Variants in TAFA1 observed in about 807,000 individuals in gnomAD.
TAFA1 encodes the protein chemokine-like protein TAFA-1.
Under a neutral mutation model 18.5 loss-of-function variants are expected in TAFA1, and 4 were observed. That is an observed-to-expected ratio of 0.22 (90% confidence interval 0.11 to 0.49). TAFA1 has a LOEUF of 0.49. Ranked by LOEUF, TAFA1 falls within the 20% of genes least tolerant of loss-of-function variation. TAFA1 has a pLI of 0.98. For synonymous variants in TAFA1, 56 were observed against 55.2 expected, an observed-to-expected ratio of 1.01 and a Z score of -0.06; for missense variants, 147 against 169.0, an observed-to-expected ratio of 0.87 and a Z score of 0.72.
chr3:68,293,568 G>C (rs1257478744), intron 2 of TAFA1, among the ~76,000 whole-genome samples: 1 of 152,168 alleles, frequency 6.6e-6, no homozygotes, highest in Non-Finnish European at 1.5e-5. Context: ...AACCAGTCCT[G>C]TGATTAATAG....
Position 68,026,830 on chromosome 3 carries a change from A to C in TAFA1, c.118+20086A>C, listed in dbSNP as rs73104878. Among the ~76,000 whole-genome samples the C allele has an allele frequency of 9.7e-3, 1,483 of 152,318 alleles. 13 individuals are homozygous for C. Among genetic ancestry groups the C allele is most frequent in the Non-Finnish European group, 0.013 (860 of 68,024 alleles). ...TGTATTAATTCATTCTTGCATTGCT[A>C]TAAAGAAATATCTGAGCCTGGATAA... On this transcript the variant is annotated intron_variant, in intron 2 of 4. Coordinates refer to ENST00000478136, the MANE Select transcript of TAFA1 (RefSeq NM_213609.4).
intron 2 of TAFA1, among the ~76,000 whole-genome samples, chr3:68,209,158 TAGTC>T (rs2066563530): frequency 1.3e-5 from 2 of 151,964 alleles, no homozygotes; most frequent in African/African-American, 4.8e-5. Context: ...CATCTTCACT[TAGTC>T]AGTCAAGCCT....
chr3:68,137,905 C>A (rs1357000638), intron 2 of TAFA1, among the ~76,000 whole-genome samples: 1 of 151,922 alleles, frequency 6.6e-6, no homozygotes, highest in Non-Finnish European at 1.5e-5. Context: ...TCCACAGTTA[C>A]CTTTATGAAA....
intron 2 of TAFA1, among the ~76,000 whole-genome samples, chr3:68,318,287 C>T (rs764286743): frequency 2.8e-4 from 42 of 152,278 alleles, no homozygotes; most frequent in Admixed American, 5.2e-4. Flanking sequence ...GCTTCTCCCT[C>T]TCCTGGCTAT....
chr3:68,113,462 G>GAAAAT (rs2065284065), intron 2 of TAFA1, among the ~76,000 whole-genome samples: 1 of 152,088 alleles, frequency 6.6e-6, no homozygotes, highest in Non-Finnish European at 1.5e-5. Flanking sequence ...GTAAATGATT[G>GAAAAT]AAAATAAAAT....
At chr3:68,207,623 A>G (rs2066542954) in intron 2 of TAFA1, among the ~76,000 whole-genome samples, 1 of 151,974 alleles carries the variant, frequency 6.6e-6, no homozygotes, top group South Asian at 2.1e-4. Flanking sequence ...AGATTTAAGA[A>G]CTACCAAATG....
intron 2 of TAFA1, among the ~76,000 whole-genome samples, chr3:68,193,152 C>T (rs1440501104): frequency 1.3e-5 from 2 of 151,620 alleles, no homozygotes; most frequent in Non-Finnish European, 3.0e-5. Context: ...AAATAAGCTC[C>T]AAAGTAAGTT....
At chr3:68,289,930 G>A (rs566686766) in intron 2 of TAFA1, among the ~76,000 whole-genome samples, 7 of 152,204 alleles carry the variant, frequency 4.6e-5, no homozygotes, top group Non-Finnish European at 2.9e-5. Flanking sequence ...CAATGGACTT[G>A]TGTAATAAAT....
intron 2 of TAFA1, among the ~76,000 whole-genome samples, chr3:68,189,363 C>T (rs1042359968): frequency 3.3e-5 from 5 of 151,854 alleles, no homozygotes; most frequent in African/African-American, 4.8e-5. Flanking sequence ...ATCTTTACTA[C>T]CATTCAACCC....
At chr3:68,421,970 G>A (rs889646632) in intron 3 of TAFA1, among the ~76,000 whole-genome samples, 2 of 151,906 alleles carry the variant, frequency 1.3e-5, no homozygotes, top group African/African-American at 2.4e-5. Context: ...TTTATAATAG[G>A]AATTTTGAAA....
At chr3:67,992,934 T>C in the TAFA1 span, among the ~76,000 whole-genome samples, 1 of 152,216 alleles carries the variant, frequency 6.6e-6, no homozygotes, top group Non-Finnish European at 1.5e-5. Context: ...CAATCTCTGC[T>C]GACAGAGCAT....
intron 2 of TAFA1, among the ~76,000 whole-genome samples, chr3:68,288,117 C>T (rs995621662): frequency 3.3e-5 from 5 of 152,044 alleles, no homozygotes; most frequent in Non-Finnish European, 2.9e-5. Flanking sequence ...GGTGATCTCC[C>T]CTCTCTTTTC....
At chr3:68,083,995 G>A (rs991665126) in intron 2 of TAFA1, among the ~76,000 whole-genome samples, 4 of 152,280 alleles carry the variant, frequency 2.6e-5, no homozygotes, top group South Asian at 2.1e-4. Flanking sequence ...ATGTCAGAGA[G>A]TGAAAATCTT....
At chr3:68,515,816 T>C (rs2072912256) in intron 3 of TAFA1, among the ~76,000 whole-genome samples, 1 of 152,206 alleles carries the variant, frequency 6.6e-6, no homozygotes, top group Admixed American at 6.5e-5. Flanking sequence ...TGCTATACAC[T>C]TAGGGTTTAC....
intron 2 of TAFA1, among the ~76,000 whole-genome samples, chr3:68,355,761 A>G (rs1446090729): frequency 2.6e-5 from 4 of 152,094 alleles, no homozygotes; most frequent in South Asian, 2.1e-4. Context: ...AATGCAACAT[A>G]AAGAAGGCTT....
At chr3:68,030,641 C>T (rs2106650546) in intron 2 of TAFA1, among the ~76,000 whole-genome samples, 1 of 152,296 alleles carries the variant, frequency 6.6e-6, no homozygotes, top group East Asian at 1.9e-4. Context: ...ATATGTACCA[C>T]ATTTTCTTTA....
At chr3:68,321,051 C>A (rs1245173057) in intron 2 of TAFA1, among the ~76,000 whole-genome samples, 1 of 152,198 alleles carries the variant, frequency 6.6e-6, no homozygotes, top group African/African-American at 2.4e-5. Flanking sequence ...GCTGGACTGT[C>A]AGGGTTGAAA....
At chr3:68,426,180 G>T (rs187861555) in intron 3 of TAFA1, among the ~76,000 whole-genome samples, 1 of 151,620 alleles carries the variant, frequency 6.6e-6, no homozygotes, top group Non-Finnish European at 1.5e-5. Context: ...ATTGTACCCC[G>T]TAATTATTTA....
At chr3:68,449,435 G>A (rs529469661) in intron 3 of TAFA1, among the ~76,000 whole-genome samples, 39 of 152,104 alleles carry the variant, frequency 2.6e-4, no homozygotes, top group Non-Finnish European at 3.4e-4. Context: ...CAGAGGATGC[G>A]AGACCCTAAT....
Sources: gnomAD v4.1 joint callset for allele counts (sites outside exome capture counted in the v4.1 genomes callset) on GRCh38, gnomAD v4.1.1 for gene constraint, MANE v1.5 for transcripts, NCBI Gene and HGNC (gene_info 2026-07-23, HGNC 2026-07-21) for gene names.